SNX13: variants seen among roughly 807,000 people sequenced by gnomAD.
SNX13 encodes sorting nexin 13, also known as sorting nexin-13.
A neutral mutation model predicts 133.6 loss-of-function variants in SNX13; 45 were observed. The observed-to-expected ratio is 0.34, with a 90% CI of 0.27 to 0.43. The LOEUF is 0.43. Among genes scored for constraint, SNX13 ranks in the 20% least tolerant of loss-of-function variants. The pLI is 1.00. For missense variants in SNX13, 1,032 were observed against 1,145.1 expected (o/e 0.90, Z 1.43); for synonymous variants, 414 against 373.9 (o/e 1.11, Z -1.24).
chr7:17,878,477 T>C (rs981761053), intron 5 of SNX13, among the ~76,000 whole-genome samples: 2 of 152,102 alleles, frequency 1.3e-5, no homozygotes, highest in African/African-American at 4.8e-5. Flanking sequence ...AAACAACTAA[T>C]GAAATTTTAA....
At chr7:17,876,696 T>A (rs4721665) in intron 5 of SNX13, among the ~76,000 whole-genome samples, 4 of 151,718 alleles carry the variant, frequency 2.6e-5, no homozygotes, top group Admixed American at 2.6e-4. Context: ...AGGTGATTAC[T>A]AATTTTAAGA....
At chr7:17,919,852 T>TG (rs1799937150) in intron 1 of SNX13, among the ~76,000 whole-genome samples, 1 of 152,190 alleles carries the variant, frequency 6.6e-6, no homozygotes, top group Non-Finnish European at 1.5e-5. Context: ...ACTTTTGGGC[T>TG]GGACAGGGTA....
intron 25 of SNX13, chr7:17,796,548 G>A (rs1784075084): frequency 3.5e-6 from 1 of 288,930 alleles, no homozygotes; most frequent in Non-Finnish European, 6.5e-6. Context: ...AATACCAACT[G>A]TTGCTTAGTA....
At chr7:17,858,922 A>G (rs1792273647) in intron 9 of SNX13, among the ~76,000 whole-genome samples, 1 of 152,134 alleles carries the variant, frequency 6.6e-6, no homozygotes, top group South Asian at 2.1e-4. Flanking sequence ...TTAAAAATCA[A>G]TCTAAACTGT....
rs1174844786 is a variant in SNX13 at position 17,814,919 on chromosome 7, TTCA to T, written c.1976_1978del (p.Met659del). The T allele has an allele frequency of 1.3e-6, 2 of 1,500,308 alleles. No individual in the cohort carries two copies. The highest frequency in any genetic ancestry group is 1.5e-5 in the African/African-American group (1 of 66,734). The allele number at this position is 1,500,308 out of a possible 1,614,324, so 92.9% of individuals were successfully genotyped here. A position where few individuals can be genotyped will look rare whatever the true frequency, so the allele number is the denominator to read the frequency against. On this transcript the variant is annotated inframe_deletion, in exon 20 of 26. Transcript: ENST00000428135. ...ATAGTGAGCTAAAGCGGGGGATGCC[TTCA>T]TCATTTCAGGAGCTAACAGTAACTA...
chr7:17,839,199 A>G (rs1202041574), intron 13 of SNX13, among the ~76,000 whole-genome samples: 2 of 149,394 alleles, frequency 1.3e-5, no homozygotes, highest in East Asian at 1.9e-4. Flanking sequence ...TATATTCTAT[A>G]GAATTATAGT....
At chr7:17,842,738 T>C (rs1227707259) in intron 12 of SNX13, among the ~76,000 whole-genome samples, 1 of 152,042 alleles carries the variant, frequency 6.6e-6, no homozygotes, top group East Asian at 1.9e-4. Context: ...AAAAGAACTA[T>C]TAGTTCATAT....
At chr7:17,833,848 G>A (rs547756165) in intron 15 of SNX13, among the ~76,000 whole-genome samples, 1 of 151,526 alleles carries the variant, frequency 6.6e-6, no homozygotes, top group East Asian at 1.9e-4. Flanking sequence ...GGCTTCTATA[G>A]TTACATTCTA....
chr7:17,850,764 A>C (rs1411283508), intron 10 of SNX13, 62 bp downstream of exon 10: 1 of 1,302,676 alleles, frequency 7.7e-7, no homozygotes, highest in African/African-American at 1.6e-5. Context: ...TAAATTAATC[A>C]AAGTTTTGAA....
chr7:17,818,844 A>G (rs1028445676), intron 18 of SNX13, among the ~76,000 whole-genome samples: 1 of 152,216 alleles, frequency 6.6e-6, no homozygotes, highest in African/African-American at 2.4e-5. Flanking sequence ...TATTAAAATA[A>G]TTCAAAATTT....
intron 1 of SNX13, among the ~76,000 whole-genome samples, chr7:17,916,619 C>G (rs1004667110): frequency 6.6e-6 from 1 of 151,748 alleles, no homozygotes; most frequent in African/African-American, 2.4e-5. Context: ...AAATGGAAAC[C>G]CTGAACAGAT....
intron 9 of SNX13, among the ~76,000 whole-genome samples, chr7:17,853,716 G>A (rs939126813): frequency 1.1e-4 from 17 of 152,164 alleles, no homozygotes; most frequent in Admixed American, 9.8e-4. Context: ...GGCTGAGGCG[G>A]GTGGATCACA....
At position 17,933,300 on chromosome 7, in the gene SNX13, T is replaced by C. The variant is rs370155785; in HGVS notation, c.12+6984A>G. On this transcript the variant is annotated intron_variant, in intron 1 of 25. Coordinates refer to ENST00000428135, the MANE Select transcript of SNX13 (RefSeq NM_015132.5). Reference sequence around the variant, plus strand: ...GGCTCATGCCTGTAATCCCAGCACTTTGGGAGGCCGAGGCGGGCGGAACAT... The same window carrying C: ...GGCTCATGCCTGTAATCCCAGCACTCTGGGAGGCCGAGGCGGGCGGAACAT... Among the ~76,000 whole-genome samples, 6 of 152,088 alleles carry C rather than the reference T, an allele frequency of 3.9e-5. No homozygotes were observed. In the East Asian group the frequency reaches 1.2e-3, roughly 29 times the overall value.
intron 1 of SNX13, among the ~76,000 whole-genome samples, chr7:17,939,371 C>T (rs1382241153): frequency 3.9e-5 from 6 of 152,308 alleles, no homozygotes; most frequent in South Asian, 2.1e-4. Context: ...GGTATTTCAT[C>T]AAATCACAAG....
intron 13 of SNX13, among the ~76,000 whole-genome samples, chr7:17,838,769 CT>C (rs1252071456): frequency 6.6e-6 from 1 of 151,632 alleles, no homozygotes; most frequent in Admixed American, 6.6e-5. Flanking sequence ...CCCAAATTTC[CT>C]TTTGTTGATG....
chr7:17,799,203 T>C (rs764752955), intron 22 of SNX13, 49 bp from the exon 23 acceptor site: 26 of 1,450,880 alleles, frequency 1.8e-5, no homozygotes, highest in African/African-American at 2.9e-5. Context: ...CTATCTACTA[T>C]GAATTGTTAC....
chr7:17,813,381 G>A (rs915202471), intron 20 of SNX13, among the ~76,000 whole-genome samples: 2 of 152,000 alleles, frequency 1.3e-5, no homozygotes, highest in African/African-American at 2.4e-5. Flanking sequence ...CATGAAATAC[G>A]CAGAAAAGCA....
At chr7:17,880,404 G>A (rs571909987) in intron 5 of SNX13, 1 of 152,188 alleles carries the variant, frequency 6.6e-6, no homozygotes, top group Admixed American at 6.5e-5. Flanking sequence ...TTAATTAAAC[G>A]ACCTGATTAT....
chr7:17,922,838 G>A (rs1339217164), intron 1 of SNX13, among the ~76,000 whole-genome samples: 1 of 152,170 alleles, frequency 6.6e-6, no homozygotes, highest in African/African-American at 2.4e-5. Context: ...TTTTTAAAAT[G>A]TAATGAAAAA....
Sources: gnomAD v4.1 joint callset for allele counts (sites outside exome capture counted in the v4.1 genomes callset) on GRCh38, gnomAD v4.1.1 for gene constraint, MANE v1.5 for transcripts, NCBI Gene and HGNC (gene_info 2026-07-23, HGNC 2026-07-21) for gene names.